Variants in KIF17 observed in about 807,000 individuals in gnomAD.
The protein encoded by KIF17 is kinesin-like protein KIF17.
A neutral mutation model predicts 96.8 loss-of-function variants in KIF17; 80 were observed. The ratio of observed to expected loss-of-function variants is 0.83; its 90% confidence interval spans 0.69 to 1.00. The LOEUF (loss-of-function observed/expected upper bound fraction) is 1.00, where lower values mean the gene tolerates loss of function less well. Among genes scored for constraint, KIF17 ranks in the 50% least tolerant of loss-of-function variants. The pLI is 0.00. For missense variants in KIF17, 1,280 were observed against 1,372.9 expected (o/e 0.93, Z 1.07); for synonymous variants, 567 against 587.5 (o/e 0.97, Z 0.51).
In KIF17 at chr1:20,704,328, G is replaced by T; in HGVS notation, c.1123+119C>A. On this transcript the variant is annotated intron_variant, in intron 5 of 14. Transcript: ENST00000400463. This position sits in a 1 kb window ranked among gnomAD's most constrained non-coding sequence, Gnocchi z 6.8. ...GCCCTGCGCTCACATGGGGCTGAGG[G>T]GTGGGAGGATGCTGCTCCCACTGTC... The T allele has an allele frequency of 2.4e-6, 2 of 823,330 alleles. No homozygotes were observed. Among genetic ancestry groups the T allele is most frequent in the Non-Finnish European group, 4.0e-6 (2 of 495,566 alleles). 51.0% of individuals were successfully genotyped at this position (823,330 alleles called of 1,614,324 possible).
intron 3 of KIF17, among the ~76,000 whole-genome samples, chr1:20,711,378 C>T (rs950642383): frequency 6.6e-6 from 1 of 152,154 alleles, no homozygotes; most frequent in East Asian, 1.9e-4. Flanking sequence ...CTCCCAACCC[C>T]ACTCCACCCC....
chr1:20,666,508 G>A (rs1026218822), intron 13 of KIF17, among the ~76,000 whole-genome samples, 177 bp from the exon 14 acceptor site: 2 of 152,154 alleles, frequency 1.3e-5, no homozygotes, highest in Non-Finnish European at 2.9e-5. Context: ...TCCTGGACTC[G>A]GGGGTGGGAT....
At chr1:20,670,574 G>A in intron 12 of KIF17, 86 bp from the exon 13 acceptor site, 1 of 1,301,830 alleles carries the variant, frequency 7.7e-7, no homozygotes, top group Non-Finnish European at 1.1e-6. Context: ...GGTCAGGCCT[G>A]GCTCAGGCTT....
intron 5 of KIF17, among the ~76,000 whole-genome samples, chr1:20,702,947 G>C (rs548060770): frequency 6.6e-6 from 1 of 152,352 alleles, no homozygotes; most frequent in East Asian, 1.9e-4. Flanking sequence ...CCAGTACCCA[G>C]CACGTGTCCA....
chr1:20,703,015 T>C (rs1340109529), intron 5 of KIF17, among the ~76,000 whole-genome samples: 2 of 151,726 alleles, frequency 1.3e-5, no homozygotes, highest in Admixed American at 6.6e-5. Flanking sequence ...AGTGGAAAAA[T>C]AGATAAAAGA....
intron 5 of KIF17, among the ~76,000 whole-genome samples, chr1:20,703,930 C>CA (rs5772915): frequency 5.5e-4 from 78 of 141,768 alleles, no homozygotes; most frequent in South Asian, 1.1e-3. Flanking sequence ...GACTCCGTCT[C>CA]AAAAAAAAAA....
intron 12 of KIF17, 110 bp downstream of exon 12, chr1:20,671,828 T>A (rs1043278335): frequency 4.5e-6 from 6 of 1,337,632 alleles, no homozygotes; most frequent in Non-Finnish European, 6.2e-6. Flanking sequence ...CAGGGTCACG[T>A]GTCTTCTACA....
At chr1:20,695,866 C>A (rs1048430706) in intron 6 of KIF17, among the ~76,000 whole-genome samples, 10 of 152,280 alleles carry the variant, frequency 6.6e-5, no homozygotes, top group Middle Eastern at 3.4e-3. Flanking sequence ...GCCCCACATC[C>A]CCCTCCGGCT....
chr1:20,667,422 G>T (rs1463533254), intron 13 of KIF17, among the ~76,000 whole-genome samples: 1 of 152,140 alleles, frequency 6.6e-6, no homozygotes, highest in Non-Finnish European at 1.5e-5. Flanking sequence ...CTACATGATG[G>T]TGAGTTATAT....
Position 20,717,493 on chromosome 1 carries a change from C to A in KIF17, c.214G>T (p.Ala72Ser). 1.2e-6 allele frequency: 2 copies of A among 1,611,468 alleles called. No homozygotes were observed. Among genetic ancestry groups the A allele is most frequent in the Admixed American group, 1.7e-5 (1 of 60,008 alleles). The change falls in exon 1 of 15, where the codon GCC (alanine) becomes TCC (serine). Residue 72 changes from alanine to serine, a missense_variant. Ala to Ser is a moderately conservative substitution (Grantham distance 99, BLOSUM62 1). Coordinates refer to ENST00000400463, the MANE Select transcript of KIF17 (RefSeq NM_001122819.3). ...HVTEQIYNEIAYPLVEGVTEG... is the reference protein window; with the variant it reads ...HVTEQIYNEISYPLVEGVTEG... ...GCCCTCACCTCCACCAGCGGATAGG[C>A]GATCTCGTTGTAGATCTGCTCGGTG... is the stretch of plus-strand genomic sequence containing the variant.
chr1:20,671,894 C>T (rs750335655), intron 12 of KIF17, 44 bp downstream of exon 12: 66 of 1,602,358 alleles, frequency 4.1e-5, no homozygotes, highest in African/African-American at 2.9e-4. Flanking sequence ...GATGGTAAGC[C>T]GTGAAGGAGG....
At chr1:20,663,990 G>A (rs1486532498), downstream of KIF17, 2 of 164,176 alleles carry the variant, frequency 1.2e-5, no homozygotes, top group African/African-American at 2.4e-5. Context: ...AAGTGACACT[G>A]TCAGAGGGTC....
chr1:20,694,939 C>T (rs781158271), intron 6 of KIF17, among the ~76,000 whole-genome samples: 2 of 152,196 alleles, frequency 1.3e-5, no homozygotes, highest in Non-Finnish European at 2.9e-5. Flanking sequence ...TCTCCCAGCA[C>T]AGCCCTGACC....
In KIF17 at chr1:20,709,555, T is replaced by C; in HGVS notation, c.670+84A>G. The C allele has an allele frequency of 4.0e-6, 6 of 1,491,146 alleles. No individual in the cohort carries two copies. Among genetic ancestry groups the C allele is most frequent in the Non-Finnish European group, 5.6e-6 (6 of 1,069,632 alleles). The allele number at this position is 1,491,146 out of a possible 1,614,324, so 92.4% of individuals were successfully genotyped here. A position where few individuals can be genotyped will look rare whatever the true frequency, so the allele number is the denominator to read the frequency against. ...TCTCTTCCCACTTTCCAGGGGCTCC[T>C]GCGGCCCCGAGAGGTGGCGTGCCTT... On this transcript the variant is annotated intron_variant, in intron 4 of 14. Transcript: ENST00000400463. The surrounding 1 kb of genome is among the most constrained non-coding windows in gnomAD (Gnocchi z 4.7).
At chr1:20,673,986 C>A (rs1020251359) in intron 11 of KIF17, among the ~76,000 whole-genome samples, 1 of 151,788 alleles carries the variant, frequency 6.6e-6, no homozygotes, top group Non-Finnish European at 1.5e-5. Flanking sequence ...TGGAGTGCAG[C>A]GGCACCTTCT....
At position 20,690,352 on chromosome 1, in the gene KIF17, G is replaced by GGTCCCC; in HGVS notation, c.1234-18_1234-17insGGGGAC. 1 of 451,174 alleles carries GGTCCCC rather than the reference G, an allele frequency of 2.2e-6. No homozygotes were observed. The highest frequency in any genetic ancestry group is 4.3e-6 in the Non-Finnish European group (1 of 235,152). 27.9% of individuals were successfully genotyped at this position (451,174 alleles called of 1,614,324 possible). ...TTCATACTCCTGGGGGGGTGGGAGG[G>GGTCCCC]ACCAGAGGGCAGGCAGCATTTTATC... On this transcript the variant is annotated splice_polypyrimidine_tract_variant and intron_variant, in intron 6 of 14. Transcript: ENST00000400463.
chr1:20,711,407 T>C (rs921662632), intron 3 of KIF17, among the ~76,000 whole-genome samples: 2 of 152,118 alleles, frequency 1.3e-5, no homozygotes, highest in African/African-American at 4.8e-5. Context: ...GGGGAGGCGC[T>C]GAGTGACAGC....
intron 13 of KIF17, among the ~76,000 whole-genome samples, chr1:20,666,903 A>C (rs1038479944): frequency 1.3e-5 from 2 of 152,072 alleles, no homozygotes; most frequent in African/African-American, 4.8e-5. Context: ...CCTATACTAC[A>C]TCTGACTCCC....
chr1:20,668,174 G>T (rs552707757), intron 13 of KIF17, among the ~76,000 whole-genome samples: 2 of 152,192 alleles, frequency 1.3e-5, no homozygotes, highest in South Asian at 4.1e-4. Flanking sequence ...GCCGGGCATG[G>T]TGGCAGGCAC....
Sources: gnomAD v4.1 joint callset for allele counts (sites outside exome capture counted in the v4.1 genomes callset) on GRCh38, gnomAD v4.1.1 for gene constraint, Gnocchi (gnomAD v3.1) non-coding constraint, MANE v1.5 for transcripts, NCBI Gene and HGNC (gene_info 2026-07-23, HGNC 2026-07-21) for gene names.